The following TNFAIP8 variants were observed in gnomAD, a reference collection of about 807,000 sequenced individuals.
The protein encoded by TNFAIP8 is TNF alpha induced protein 8.
In TNFAIP8, 7 loss-of-function variants were observed where a neutral mutation model predicts 13.3. The observed-to-expected ratio is 0.52, with a 90% CI of 0.30 to 0.99. TNFAIP8 has a LOEUF of 0.99. TNFAIP8 is among the 50% of genes least tolerant of loss of function. The pLI is 0.07. For missense variants in TNFAIP8, 258 were observed against 236.9 expected (o/e 1.09, Z -0.58); for synonymous variants, 94 against 87.6 (o/e 1.07, Z -0.41).
intron 1 of TNFAIP8, among the ~76,000 whole-genome samples, chr5:119,290,036 G>A (rs1254121386): frequency 6.6e-6 from 1 of 152,150 alleles, no homozygotes; most frequent in African/African-American, 2.4e-5. Flanking sequence ...TCTTACTAAA[G>A]CATGCAGAGT....
intron 1 of TNFAIP8, among the ~76,000 whole-genome samples, chr5:119,327,561 C>A (rs1009597544): frequency 6.6e-6 from 1 of 152,140 alleles, no homozygotes; most frequent in African/African-American, 2.4e-5. Flanking sequence ...TGGGCTCAAG[C>A]GATTCTCCTG....
At chr5:119,270,793 T>TA (rs781389972) in intron 1 of TNFAIP8, among the ~76,000 whole-genome samples, 43 of 152,258 alleles carry the variant, frequency 2.8e-4, no homozygotes, top group Admixed American at 2.0e-3. Context: ...GTAGACTTTA[T>TA]AAACCATTAT....
chr5:119,279,074 C>T (rs1367215887), intron 1 of TNFAIP8, among the ~76,000 whole-genome samples: 2 of 152,198 alleles, frequency 1.3e-5, no homozygotes, highest in African/African-American at 2.4e-5. Flanking sequence ...GGTGGGCCAG[C>T]AGGCACTGTG....
At chr5:119,366,871 A>G (rs568999455) in intron 1 of TNFAIP8, among the ~76,000 whole-genome samples, 4 of 152,274 alleles carry the variant, frequency 2.6e-5, no homozygotes, top group African/African-American at 7.2e-5. Context: ...TGATTACTTG[A>G]CATTCCTGTC....
chr5:119,319,703 C>T (rs1279531421), intron 1 of TNFAIP8, among the ~76,000 whole-genome samples: 1 of 152,142 alleles, frequency 6.6e-6, no homozygotes, highest in Non-Finnish European at 1.5e-5. Context: ...TATATTGGTG[C>T]ACCTTTTATT....
At chr5:119,293,296 C>G (rs1349998611) in intron 1 of TNFAIP8, among the ~76,000 whole-genome samples, 1 of 152,108 alleles carries the variant, frequency 6.6e-6, no homozygotes, top group Admixed American at 6.5e-5. Context: ...ACAGTAGATC[C>G]TTTTGAACTT....
Position 119,363,513 on chromosome 5 carries a change from G to C in TNFAIP8, c.31+7392G>C, listed in dbSNP as rs140649881. 2.0e-5 allele frequency among the ~76,000 whole-genome samples: 3 copies of C among 152,300 alleles called. No individual in the cohort carries two copies. In the East Asian group the frequency reaches 5.8e-4, roughly 29 times the overall value. ...TCACCTCCAACCAGCATTTGGAAGA[G>C]CATTTGCCTACAGGCCTCTTCCTGT... On this transcript the variant is annotated intron_variant, in intron 1 of 1. Transcript: ENST00000504771.
At chr5:119,297,022 T>C (rs1348231367) in intron 1 of TNFAIP8, among the ~76,000 whole-genome samples, 1 of 152,180 alleles carries the variant, frequency 6.6e-6, no homozygotes, top group East Asian at 1.9e-4. Context: ...TCTCTTTTTT[T>C]CTTTATTAGT....
At chr5:119,391,877 T>G (rs1752906561) in intron 1 of TNFAIP8, among the ~76,000 whole-genome samples, 1 of 152,194 alleles carries the variant, frequency 6.6e-6, no homozygotes, top group African/African-American at 2.4e-5. Context: ...TGACCAGCTC[T>G]AAGGTGGGAA....
chr5:119,355,117 G>A (rs189750070), upstream of TNFAIP8: 14 of 568,702 alleles, frequency 2.5e-5, no homozygotes, highest in Admixed American at 1.2e-4. Context: ...GGGGCCTGTG[G>A]GCCAGACCCG....
intron 1 of TNFAIP8, among the ~76,000 whole-genome samples, chr5:119,347,806 C>T (rs991264377): frequency 6.6e-6 from 1 of 152,188 alleles, no homozygotes; most frequent in Non-Finnish European, 1.5e-5. Flanking sequence ...CTTGGCTACT[C>T]GCAACTGCAA....
intron 1 of TNFAIP8, 126 bp from the exon 2 acceptor site, chr5:119,392,690 G>GT (rs1752936933): frequency 1.7e-6 from 2 of 1,160,802 alleles, no homozygotes; most frequent in African/African-American, 1.6e-5. Context: ...GTCGGTAGAT[G>GT]TAAGACAAAC....
At chr5:119,284,353 GAAA>G (rs150603396) in intron 1 of TNFAIP8, among the ~76,000 whole-genome samples, 1 of 149,018 alleles carries the variant, frequency 6.7e-6, no homozygotes, top group African/African-American at 2.5e-5. Flanking sequence ...TTCTTCAACA[GAAA>G]AAAAAAATCT....
intron 1 of TNFAIP8, among the ~76,000 whole-genome samples, chr5:119,269,770 ATAATTCCATCCC>A (rs1334095936): frequency 1.3e-5 from 2 of 152,214 alleles, no homozygotes; most frequent in East Asian, 3.8e-4. Flanking sequence ...CTTAAGACTG[ATAATTCCATCCC>A]TACATAATTA....
intron 1 of TNFAIP8, among the ~76,000 whole-genome samples, chr5:119,274,809 G>T (rs1748390053): frequency 1.3e-5 from 2 of 152,154 alleles, no homozygotes; most frequent in African/African-American, 4.8e-5. Context: ...TACACCAAAT[G>T]AAACTTTGAA....
At chr5:119,329,792 T>TC (rs1189615214) in intron 1 of TNFAIP8, among the ~76,000 whole-genome samples, 2 of 151,276 alleles carry the variant, frequency 1.3e-5, no homozygotes, top group South Asian at 4.2e-4. Flanking sequence ...CAGCAGGATT[T>TC]CCCCAGCCTT....
intron 1 of TNFAIP8, among the ~76,000 whole-genome samples, chr5:119,299,883 A>G (rs1003398587): frequency 6.6e-6 from 1 of 152,312 alleles, no homozygotes; most frequent in Non-Finnish European, 1.5e-5. Flanking sequence ...AGCAATCAGC[A>G]AGACTCCGTG....
chr5:119,310,810 G>C (rs1449946367), intron 1 of TNFAIP8, among the ~76,000 whole-genome samples: 2 of 152,106 alleles, frequency 1.3e-5, no homozygotes, highest in Non-Finnish European at 2.9e-5. Flanking sequence ...TTGGGTGACA[G>C]ATCGAGACTC....
At chr5:119,325,524 T>G (rs1249591186) in intron 1 of TNFAIP8, among the ~76,000 whole-genome samples, 4 of 152,254 alleles carry the variant, frequency 2.6e-5, no homozygotes, top group Admixed American at 2.6e-4. Flanking sequence ...CTCAGCTCAC[T>G]GCAAGCTCTG....
Sources: allele counts gnomAD v4.1 joint callset (sites outside exome capture counted in the v4.1 genomes callset), GRCh38; gene constraint gnomAD v4.1.1; transcripts MANE v1.5; gene names NCBI Gene and HGNC (gene_info 2026-07-23, HGNC 2026-07-21).